Variants in PIEZO2 observed in about 807,000 individuals in gnomAD.
The protein encoded by PIEZO2 is piezo-type mechanosensitive ion channel component 2.
A neutral mutation model predicts 337.3 loss-of-function variants in PIEZO2; 172 were observed. That is an observed-to-expected ratio of 0.51 (90% CI 0.45 to 0.58). PIEZO2 has a LOEUF of 0.58. PIEZO2 is among the 20% of genes least tolerant of loss of function. The probability of loss-of-function intolerance (pLI) is 0.00; values close to 1 mark genes in which losing one functional copy is unlikely to be tolerated. For missense variants in PIEZO2, 3,028 were observed against 3,391.3 expected (o/e 0.89, Z 2.66); for synonymous variants, 1,251 against 1,228.5 (o/e 1.02, Z -0.38).
chr18:10,731,069 C>T (rs1327468932), intron 36 of PIEZO2, among the ~76,000 whole-genome samples: 2 of 151,476 alleles, frequency 1.3e-5, no homozygotes, highest in Non-Finnish European at 2.9e-5. Flanking sequence ...CAGGTCATGT[C>T]CTGTAGTATT....
In PIEZO2 at chr18:10,940,735, G is replaced by A. The variant is rs747358444; in HGVS notation, c.287-29507C>T. 3.5e-4 allele frequency among the ~76,000 whole-genome samples: 53 copies of A among 152,096 alleles called. No homozygotes were observed. Among genetic ancestry groups the A allele is most frequent in the South Asian group, 1.0e-3 (5 of 4,828 alleles). On this transcript the variant is annotated intron_variant, in intron 3 of 55. Coordinates refer to ENST00000674853, the MANE Select transcript of PIEZO2 (RefSeq NM_001378183.1). The surrounding 1 kb of genome is among the most constrained non-coding windows in gnomAD (Gnocchi z 5.3). ...AAATTAGCTGGGCATGGTGGCTCGC[G>A]CCTGTAGTCCCAGCTACTGGGGAGG...
In PIEZO2 at chr18:10,877,839, A is replaced by C. The variant is rs2042308881; in HGVS notation, c.330-6424T>G. 6.6e-6 allele frequency among the ~76,000 whole-genome samples: 1 copy of C among 152,042 alleles called. No individual in the cohort carries two copies. Among genetic ancestry groups the C allele is most frequent in the African/African-American group, 2.4e-5 (1 of 41,384 alleles). On this transcript the variant is annotated intron_variant, in intron 4 of 55. Transcript: ENST00000674853. This position sits in a 1 kb window ranked among gnomAD's most constrained non-coding sequence, Gnocchi z 5.3. Reference sequence around the variant, plus strand: ...TCCTAAGCGTGACAAGGGGCCCTCCACATCCCAGATCTGGTTTCCCTTATC... The same window carrying C: ...TCCTAAGCGTGACAAGGGGCCCTCCCCATCCCAGATCTGGTTTCCCTTATC...
At chr18:10,690,043 TC>T (rs1252855016) in intron 48 of PIEZO2, among the ~76,000 whole-genome samples, 1 of 152,234 alleles carries the variant, frequency 6.6e-6, no homozygotes, top group Admixed American at 6.5e-5. Context: ...AACTGGGATC[TC>T]CCTTTTAAAT....
At chr18:10,736,318 T>C (rs2036993222) in intron 34 of PIEZO2, among the ~76,000 whole-genome samples, 1 of 152,108 alleles carries the variant, frequency 6.6e-6, no homozygotes, top group Non-Finnish European at 1.5e-5. Flanking sequence ...AAACATTGAG[T>C]TCACCCAACG....
chr18:10,687,057 A>C (rs1006862096), intron 49 of PIEZO2, among the ~76,000 whole-genome samples: 1 of 152,164 alleles, frequency 6.6e-6, no homozygotes, highest in Non-Finnish European at 1.5e-5. Flanking sequence ...CTCTCAAAGT[A>C]TCACGTGCCC....
chr18:10,681,326 T>G (rs2034255301), intron 51 of PIEZO2, among the ~76,000 whole-genome samples: 1 of 152,228 alleles, frequency 6.6e-6, no homozygotes, highest in Non-Finnish European at 1.5e-5. Flanking sequence ...AGTGCCTAGA[T>G]AGAGCGTTCT....
At chr18:10,763,180 G>A (rs2038213134) in intron 21 of PIEZO2, 82 bp from the exon 22 acceptor site, 2 of 1,403,574 alleles carry the variant, frequency 1.4e-6, no homozygotes, top group Non-Finnish European at 9.6e-7. Context: ...AGGATGACTT[G>A]ATTTACTCAG....
intron 4 of PIEZO2, among the ~76,000 whole-genome samples, chr18:10,880,885 AT>A: frequency 1.2e-5 from 1 of 80,204 alleles, no homozygotes; most frequent in Middle Eastern, 6.0e-3. Flanking sequence ...ATATATATAT[AT>A]ATATATATAT....
intron 24 of PIEZO2, among the ~76,000 whole-genome samples, chr18:10,760,528 G>A (rs2038080512): frequency 6.6e-6 from 1 of 152,118 alleles, no homozygotes; most frequent in Admixed American, 6.5e-5. Flanking sequence ...TGGTCTCAAA[G>A]TCCTGACCTC....
At position 11,067,841 on chromosome 18, in the gene PIEZO2, A is replaced by T. The variant is rs529201990; in HGVS notation, c.65-1619T>A. Among the ~76,000 whole-genome samples, 7 of 152,362 alleles carry T rather than the reference A, an allele frequency of 4.6e-5. No individual in the cohort carries two copies. The East Asian group carries it at 1.3e-3, about 29-fold the overall frequency. On this transcript the variant is annotated intron_variant, in intron 1 of 55. Coordinates refer to ENST00000674853, the MANE Select transcript of PIEZO2 (RefSeq NM_001378183.1). ...AATTAATAAGAAAACATCAGACTTA[A>T]ACTACATTTTTGACCAAATGAATCT...
At chr18:10,849,605 C>T (rs866153202) in intron 7 of PIEZO2, among the ~76,000 whole-genome samples, 4 of 152,142 alleles carry the variant, frequency 2.6e-5, no homozygotes, top group African/African-American at 4.8e-5. Flanking sequence ...GAACCGTAAA[C>T]GGGGCCAGCC....
intron 1 of PIEZO2, among the ~76,000 whole-genome samples, chr18:11,137,680 G>A (rs2040528324): frequency 6.6e-6 from 1 of 152,130 alleles, no homozygotes. Context: ...AAAGCAGCAG[G>A]AGGGAGATGG....
chr18:10,701,400 C>G (rs2035324308), intron 43 of PIEZO2, among the ~76,000 whole-genome samples: 1 of 152,212 alleles, frequency 6.6e-6, no homozygotes, highest in African/African-American at 2.4e-5. Context: ...CTTCCTCCAG[C>G]AGGATCATGA....
rs1000970560 is a variant in PIEZO2 at position 10,854,700 on chromosome 18, CTTAT to C, written c.917+649_917+652del. Among the ~76,000 whole-genome samples the C allele has an allele frequency of 3.9e-5, 6 of 152,062 alleles. No homozygotes were observed. Among genetic ancestry groups the C allele is most frequent in the South Asian group, 2.1e-4 (1 of 4,824 alleles). ...CTCACACCAGAGACTTATGTATTTT[CTTAT>C]TTATTTGTTTGTTGGTTTGTTTGCT... On this transcript the variant is annotated intron_variant, in intron 7 of 55. Transcript: ENST00000674853. The surrounding 1 kb of genome is among the most constrained non-coding windows in gnomAD (Gnocchi z 4.6).
intron 18 of PIEZO2, among the ~76,000 whole-genome samples, chr18:10,778,575 A>C (rs1598467468): frequency 6.6e-6 from 1 of 151,620 alleles, no homozygotes. Flanking sequence ...CTCATGATCC[A>C]CCTGCCTCGG....
chr18:10,717,643 C>T (rs1352376680), intron 37 of PIEZO2, among the ~76,000 whole-genome samples: 1 of 152,192 alleles, frequency 6.6e-6, no homozygotes, highest in Non-Finnish European at 1.5e-5. Flanking sequence ...CTATGAGGAG[C>T]CCAAATGGCA....
chr18:10,701,035 A>G (rs2035307881), intron 43 of PIEZO2, among the ~76,000 whole-genome samples: 1 of 152,184 alleles, frequency 6.6e-6, no homozygotes, highest in African/African-American at 2.4e-5. Flanking sequence ...AGTTAAACAC[A>G]CTGTTACATA....
At chr18:10,715,128 C>T (rs971230491) in intron 38 of PIEZO2, among the ~76,000 whole-genome samples, 198 bp from the exon 39 acceptor site, 2 of 152,200 alleles carry the variant, frequency 1.3e-5, no homozygotes, top group African/African-American at 4.8e-5. Flanking sequence ...AAGTAAATGT[C>T]TTCTTATAGG....
At chr18:11,034,906 C>G (rs1273524247) in intron 2 of PIEZO2, among the ~76,000 whole-genome samples, 1 of 152,146 alleles carries the variant, frequency 6.6e-6, no homozygotes, top group African/African-American at 2.4e-5. Flanking sequence ...CACTCATAAT[C>G]GTTTTAAAAT....
Sources: gnomAD v4.1 joint callset for allele counts (sites outside exome capture counted in the v4.1 genomes callset) on GRCh38, gnomAD v4.1.1 for gene constraint, Gnocchi (gnomAD v3.1) non-coding constraint, MANE v1.5 for transcripts, NCBI Gene and HGNC (gene_info 2026-07-23, HGNC 2026-07-21) for gene names.